SPSB4: variants seen among roughly 807,000 people sequenced by gnomAD.
The protein encoded by SPSB4 is SPRY domain-containing SOCS box protein 4.
A neutral mutation model predicts 20.9 loss-of-function variants in SPSB4; 21 were observed. That is an observed-to-expected ratio of 1.01 (90% CI 0.71 to 1.45). SPSB4 has a LOEUF of 1.45. Among genes scored for constraint, SPSB4 ranks in the 40% most tolerant of loss-of-function variants. The pLI is 0.00. For synonymous variants in SPSB4, 207 were observed against 183.8 expected, an observed-to-expected ratio of 1.13 and a Z score of -1.02; for missense variants, 399 against 399.2, an observed-to-expected ratio of 1.00 and a Z score of 0.00.
chr3:141,055,094 G>C (rs1161721645), intron 1 of SPSB4, among the ~76,000 whole-genome samples: 1 of 152,242 alleles, frequency 6.6e-6, no homozygotes, highest in Non-Finnish European at 1.5e-5. Context: ...GGAGATAAAG[G>C]CTGGTTGGGC....
chr3:141,066,806 G>A lies in SPSB4; in HGVS notation c.694+8G>A, dbSNP rs2107779611. 1 of 1,527,884 alleles carries A rather than the reference G, an allele frequency of 6.5e-7. No individual in the cohort carries two copies. The highest frequency in any genetic ancestry group is 2.3e-5 in the East Asian group (1 of 43,400). 94.6% of individuals were successfully genotyped at this position (1,527,884 alleles called of 1,614,324 possible). On this transcript the variant is annotated splice_region_variant and intron_variant, in intron 2 of 2. Transcript: ENST00000310546. ...ACATCAACGGCCTTGACCGTAAGTTGTGCTGGGCTGGGGGGCAGGGCTTTC... is the reference window on the plus strand; with the variant it reads ...ACATCAACGGCCTTGACCGTAAGTTATGCTGGGCTGGGGGGCAGGGCTTTC...
In SPSB4 at chr3:141,067,461, T is replaced by C. The variant is rs554745542; in HGVS notation, c.694+663T>C. Reference sequence around the variant, plus strand: ...CAAGAGAGCCCAGAAATCTAGCTTGTGTGAACTGTTCCAATTTTTAAAGTT... The same window carrying C: ...CAAGAGAGCCCAGAAATCTAGCTTGCGTGAACTGTTCCAATTTTTAAAGTT... On this transcript the variant is annotated intron_variant, in intron 2 of 2. Transcript: ENST00000310546. 9.3e-4 allele frequency among the ~76,000 whole-genome samples: 141 copies of C among 152,320 alleles called. 1 individual carries two copies. Among genetic ancestry groups the C allele is most frequent in the Non-Finnish European group, 1.7e-3 (117 of 68,034 alleles).
chr3:141,066,153 C>G lies in SPSB4; in HGVS notation c.49C>G (p.Pro17Ala). The change falls in exon 2 of 3, where the codon CCG becomes GCG. Residue 17 changes from proline (P) to alanine (A), a missense_variant. Physicochemically the swap from Pro to Ala is conservative, Grantham distance 27. Coordinates refer to ENST00000310546, the MANE Select transcript of SPSB4 (RefSeq NM_080862.3). ...GSLKSVEVRE[P>A]ALRPAKRELR... ...CCTCAAGTCAGTGGAGGTGCGAGAG[C>G]CGGCGCTGCGGCCGGCCAAGCGGGA... 6.5e-7 allele frequency: 1 copy of G among 1,532,562 alleles called. No homozygotes were observed. Among genetic ancestry groups the G allele is most frequent in the Non-Finnish European group, 8.8e-7 (1 of 1,142,140 alleles). The allele number at this position is 1,532,562 out of a possible 1,614,324, so 94.9% of individuals were successfully genotyped here.
chr3:141,139,373 C>T (rs146191493), intron 2 of SPSB4, among the ~76,000 whole-genome samples: 13,519 of 151,832 alleles, frequency 0.089, 919 homozygotes, highest in Admixed American at 0.23. Flanking sequence ...TGTGATCCTG[C>T]CATTATGATG....
rs1329052297 is a variant in SPSB4, at chr3:141,066,140, G to A, written c.36G>A (p.Val12=). The change falls in exon 2 of 3, where the codon GTG becomes GTA. Residue 12 remains valine (V), a synonymous_variant. Transcript: ENST00000310546. The stretch of plus-strand genomic sequence containing the variant: ...AGCTCTCGGGGAGCCTCAAGTCAGT[G>A]GAGGTGCGAGAGCCGGCGCTGCGGC... ...GQKLSGSLKS[V]EVREPALRPA... The A allele has an allele frequency of 6.5e-7, 1 of 1,532,748 alleles. No individual in the cohort carries two copies. Among genetic ancestry groups the A allele is most frequent in the South Asian group, 1.2e-5 (1 of 83,408 alleles). The allele number at this position is 1,532,748 out of a possible 1,614,324, so 94.9% of individuals were successfully genotyped here.
chr3:141,143,024 G>A (rs1559859070), intron 2 of SPSB4, among the ~76,000 whole-genome samples: 1 of 151,788 alleles, frequency 6.6e-6, no homozygotes, highest in South Asian at 2.1e-4. Context: ...CACCGTGTTA[G>A]CCAGGATGGT....
At chr3:141,116,755 T>G (rs1436022306) in intron 2 of SPSB4, among the ~76,000 whole-genome samples, 1 of 152,224 alleles carries the variant, frequency 6.6e-6, no homozygotes, top group Non-Finnish European at 1.5e-5. Context: ...AAGCTACAAC[T>G]TACTACAACT....
At chr3:141,074,142 G>T (rs1938057819) in intron 2 of SPSB4, among the ~76,000 whole-genome samples, 1 of 152,214 alleles carries the variant, frequency 6.6e-6, no homozygotes, top group Non-Finnish European at 1.5e-5. Flanking sequence ...GAAGAGCAGG[G>T]TTCAGGGGTC....
intron 2 of SPSB4, among the ~76,000 whole-genome samples, chr3:141,084,811 A>G (rs927931531): frequency 6.6e-6 from 1 of 152,240 alleles, no homozygotes; most frequent in Non-Finnish European, 1.5e-5. Context: ...ACCCCTCCAG[A>G]TGCTCATTCA....
chr3:141,102,888 G>A (rs1193856144), intron 2 of SPSB4, among the ~76,000 whole-genome samples: 3 of 152,166 alleles, frequency 2.0e-5, no homozygotes, highest in Non-Finnish European at 4.4e-5. Context: ...GGGCAGCCAA[G>A]CCTGCCCATG....
At chr3:141,120,750 T>A (rs1003551298) in intron 2 of SPSB4, among the ~76,000 whole-genome samples, 1 of 152,168 alleles carries the variant, frequency 6.6e-6, no homozygotes, top group African/African-American at 2.4e-5. Flanking sequence ...CTTTTTTTGT[T>A]TTCCATTTGC....
intron 2 of SPSB4, chr3:141,124,285 A>G (rs1468926446): frequency 6.6e-6 from 1 of 152,268 alleles, no homozygotes; most frequent in Non-Finnish European, 1.5e-5. Context: ...GCAACAGGGA[A>G]CAGTTCTACA....
At chr3:141,094,575 G>A (rs1182843674) in intron 2 of SPSB4, among the ~76,000 whole-genome samples, 3 of 152,118 alleles carry the variant, frequency 2.0e-5, no homozygotes, top group Non-Finnish European at 4.4e-5. Context: ...TTTTAATGAC[G>A]ACCTGAAGAG....
At chr3:141,140,557 C>A (rs1451779940) in intron 2 of SPSB4, among the ~76,000 whole-genome samples, 2 of 152,204 alleles carry the variant, frequency 1.3e-5, no homozygotes, top group East Asian at 3.8e-4. Flanking sequence ...ACAGACAGGA[C>A]CCTCAGCTGC....
chr3:141,142,898 GT>G (rs1199177281), intron 2 of SPSB4, among the ~76,000 whole-genome samples: 2 of 128,798 alleles, frequency 1.6e-5, no homozygotes, highest in Non-Finnish European at 3.1e-5. Context: ...CTCATTGCAA[GT>G]TCCACCTCCC....
At chr3:141,118,557 T>G (rs1297571967) in intron 2 of SPSB4, among the ~76,000 whole-genome samples, 1 of 152,230 alleles carries the variant, frequency 6.6e-6, no homozygotes, top group Non-Finnish European at 1.5e-5. Flanking sequence ...AGTCATGAAG[T>G]CTTTGCTCAT....
chr3:141,143,012 T>G (rs57073936), intron 2 of SPSB4, among the ~76,000 whole-genome samples: 3,888 of 151,968 alleles, frequency 0.026, 163 homozygotes, highest in African/African-American at 0.086. Context: ...GAAATGGGGT[T>G]TCACCGTGTT....
intron 2 of SPSB4, among the ~76,000 whole-genome samples, chr3:141,074,298 T>C (rs967400298): frequency 2.6e-5 from 4 of 152,192 alleles, no homozygotes; most frequent in African/African-American, 7.2e-5. Context: ...GATTAATATA[T>C]AGAAAGTGAC....
chr3:141,106,481 C>T (rs963286354), intron 2 of SPSB4, among the ~76,000 whole-genome samples: 1 of 152,210 alleles, frequency 6.6e-6, no homozygotes, highest in Non-Finnish European at 1.5e-5. Context: ...CTCTACCACA[C>T]CCTAGGGTAT....
Sources: allele counts gnomAD v4.1 joint callset (sites outside exome capture counted in the v4.1 genomes callset), GRCh38; gene constraint gnomAD v4.1.1; transcripts MANE v1.5; gene names NCBI Gene and HGNC (gene_info 2026-07-23, HGNC 2026-07-21).